PCDHGA3: variants seen among roughly 807,000 people sequenced by gnomAD.
PCDHGA3 encodes the protein protocadherin gamma subfamily A, 3.
In PCDHGA3, 40 loss-of-function variants were observed where a neutral mutation model predicts 58.5. The observed-to-expected ratio is 0.68, with a 90% CI of 0.53 to 0.89. The LOEUF is 0.89. Ranked by LOEUF, PCDHGA3 falls within the 40% of genes least tolerant of loss-of-function variation. The pLI is 0.00. For missense variants in PCDHGA3, 1,223 were observed against 1,195.9 expected, an observed-to-expected ratio of 1.02 and a Z score of -0.33; for synonymous variants, 530 against 525.7, an observed-to-expected ratio of 1.01 and a Z score of -0.11.
chr5:141,426,805 A>G (rs1222690899), intron 1 of PCDHGA3: 2 of 456,720 alleles, frequency 4.4e-6, no homozygotes, highest in African/African-American at 2.0e-5. Flanking sequence ...CTCAGTTCTA[A>G]TGAACATTTC....
At position 141,419,393 on chromosome 5, in the gene PCDHGA3, G is replaced by A. The variant is rs1226844501; in HGVS notation, c.2424+72936G>A. On this transcript the variant is annotated intron_variant, in intron 1 of 3. Transcript: ENST00000253812. The stretch of plus-strand genomic sequence containing the variant: ...CTACGTGTCCGTGAGCGCGCAGAGC[G>A]GGGTGGTGTTCGCGCAGCGCGCCTT... 6.2e-7 allele frequency: 1 copy of A among 1,613,502 alleles called. No homozygotes were observed. Among genetic ancestry groups the A allele is most frequent in the Non-Finnish European group, 8.5e-7 (1 of 1,179,920 alleles).
Position 141,432,466 on chromosome 5 carries a change from G to A in PCDHGA3, c.2425-62341G>A, listed in dbSNP as rs149116648. 5.7e-4 allele frequency: 913 copies of A among 1,614,208 alleles called. 6 individuals carry two copies. In the African/African-American group the frequency reaches 0.011, roughly 19 times the overall value. On this transcript the variant is annotated intron_variant, in intron 1 of 3. Transcript: ENST00000253812. This position sits in a 1 kb window ranked among gnomAD's most constrained non-coding sequence, Gnocchi z 6.0. The stretch of plus-strand genomic sequence containing the variant: ...AGATCCTGTACCCCGCCCTCCCCAC[G>A]GACGGTTCCACTGGCGTGGAGCTGG...
chr5:141,387,570 A>G, intron 1 of PCDHGA3: 1 of 455,170 alleles, frequency 2.2e-6, no homozygotes, highest in South Asian at 4.2e-5. Flanking sequence ...CACAATTATA[A>G]TTATTGCACT....
intron 1 of PCDHGA3, among the ~76,000 whole-genome samples, chr5:141,454,209 T>A (rs2098783885): frequency 6.6e-6 from 1 of 152,088 alleles, no homozygotes; most frequent in South Asian, 2.1e-4. Flanking sequence ...TTTATTGACA[T>A]GAATGAGAAA....
At chr5:141,370,756 T>G in intron 1 of PCDHGA3, 1 of 1,613,974 alleles carries the variant, frequency 6.2e-7, no homozygotes, top group Non-Finnish European at 8.5e-7. Flanking sequence ...CATGTAACTG[T>G]GCTGATCCAG....
chr5:141,347,799 A>T (rs1758022091), intron 1 of PCDHGA3, among the ~76,000 whole-genome samples: 1 of 152,116 alleles, frequency 6.6e-6, no homozygotes, highest in African/African-American at 2.4e-5. Flanking sequence ...AAAAAAAAAA[A>T]AAGTAGAGGC....
chr5:141,440,990 C>T (rs1195325115), intron 1 of PCDHGA3: 2 of 152,172 alleles, frequency 1.3e-5, no homozygotes, highest in African/African-American at 4.8e-5. Flanking sequence ...CCAGAGTACC[C>T]ATATCTAGTT....
rs748457785 is a variant in PCDHGA3 at position 141,489,197 on chromosome 5, A to G, written c.2425-5610A>G. On this transcript the variant is annotated intron_variant, in intron 1 of 3. Coordinates refer to ENST00000253812, the MANE Select transcript of PCDHGA3 (RefSeq NM_018916.4). This position sits in a 1 kb window ranked among gnomAD's most constrained non-coding sequence, Gnocchi z 4.5. ...TCCAAGCCCTGGGTCTACCTTGGAG[A>G]CAGGACAGCACAGACTTACTCTCCA... 7 of 1,391,050 alleles carry G rather than the reference A, an allele frequency of 5.0e-6. No individual in the cohort carries two copies. Among genetic ancestry groups the G allele is most frequent in the African/African-American group, 2.9e-5 (2 of 69,150 alleles). 86.2% of individuals were successfully genotyped at this position (1,391,050 alleles called of 1,614,324 possible).
chr5:141,361,118 C>G (rs749515160), intron 1 of PCDHGA3: 32 of 1,613,888 alleles, frequency 2.0e-5, no homozygotes, highest in Non-Finnish European at 8.5e-7. Context: ...GGAGATCTAG[C>G]AGCCCACTGC....
chr5:141,414,052 T>C, intron 1 of PCDHGA3: 1 of 1,610,346 alleles, frequency 6.2e-7, no homozygotes, highest in Non-Finnish European at 8.5e-7. Flanking sequence ...TGACACGCAA[T>C]TGTTGAAGTT....
chr5:141,371,516 A>C, intron 1 of PCDHGA3: 5 of 1,613,882 alleles, frequency 3.1e-6, no homozygotes, highest in Non-Finnish European at 4.2e-6. Context: ...CACATGATCT[A>C]GATTCTGGAT....
In PCDHGA3 at chr5:141,386,024, TG is replaced by T. The variant is rs758923656; in HGVS notation, c.2424+39568del. The T allele has an allele frequency of 2.6e-5, 4 of 152,242 alleles. No homozygotes were observed. The East Asian group carries it at 5.8e-4, about 22-fold the overall frequency. 9.4% of individuals were successfully genotyped at this position (152,242 alleles called of 1,614,324 possible). On this transcript the variant is annotated intron_variant, in intron 1 of 3. Transcript: ENST00000253812. ...CATTTTAAGTGTTGTAATTGGCATTTGTGACATAGGCAATTACATGTTTTAA... is the reference window on the plus strand; with the variant it reads ...CATTTTAAGTGTTGTAATTGGCATTTTGACATAGGCAATTACATGTTTTAA...
rs756706355 is a variant in PCDHGA3 at position 141,486,950 on chromosome 5, G to C, written c.2425-7857G>C. 6.2e-7 allele frequency: 1 copy of C among 1,614,202 alleles called. No homozygotes were observed. Among genetic ancestry groups the C allele is most frequent in the East Asian group, 2.2e-5 (1 of 44,876 alleles). On this transcript the variant is annotated intron_variant, in intron 1 of 3. Coordinates refer to ENST00000253812, the MANE Select transcript of PCDHGA3 (RefSeq NM_018916.4). The surrounding 1 kb of genome is among the most constrained non-coding windows in gnomAD (Gnocchi z 5.0). ...TGGTGCTGGCCACCTAATCACAAAG[G>C]TGACTGCTGTGGACTTGGATTCAGG...
At chr5:141,397,183 T>C (rs1319444729) in intron 1 of PCDHGA3, among the ~76,000 whole-genome samples, 2 of 152,190 alleles carry the variant, frequency 1.3e-5, no homozygotes, top group East Asian at 3.8e-4. Flanking sequence ...AATGAATTTA[T>C]GTACTGTAAA....
At chr5:141,352,825 T>C (rs1759120516) in intron 1 of PCDHGA3, 2 of 778,004 alleles carry the variant, frequency 2.6e-6, no homozygotes, top group Non-Finnish European at 4.0e-6. Flanking sequence ...CCCGGTCTAC[T>C]AAAATTACAA....
At chr5:141,423,749 T>TTG (rs1249843775) in intron 1 of PCDHGA3, 127 of 272,264 alleles carry the variant, frequency 4.7e-4, no homozygotes, top group South Asian at 6.4e-4. Context: ...TGAAAACTGT[T>TTG]TGGGGGGGGG....
rs756476818 is a variant in PCDHGA3 at position 141,431,027 on chromosome 5, A to G, written c.2425-63780A>G. The G allele has an allele frequency of 6.2e-6, 10 of 1,614,034 alleles. No homozygotes were observed. The highest frequency in any genetic ancestry group is 1.1e-5 in the South Asian group (1 of 91,078). On this transcript the variant is annotated intron_variant, in intron 1 of 3. Coordinates refer to ENST00000253812, the MANE Select transcript of PCDHGA3 (RefSeq NM_018916.4). This position sits in a 1 kb window ranked among gnomAD's most constrained non-coding sequence, Gnocchi z 4.8. ...CGGCAGCTTGGTCACGGCGGGCAGG[A>G]TAGACCGGGAGGAGCTCTGTATGGG...
chr5:141,404,596 G>A, intron 1 of PCDHGA3: 1 of 1,614,080 alleles, frequency 6.2e-7, no homozygotes, highest in Non-Finnish European at 8.5e-7. Context: ...ATGTGTCATT[G>A]AGACTGTTTG....
chr5:141,490,243 G>A lies in PCDHGA3; in HGVS notation c.2425-4564G>A, dbSNP rs1431165990. 1 of 1,614,238 alleles carries A rather than the reference G, an allele frequency of 6.2e-7. No individual in the cohort carries two copies. The highest frequency in any genetic ancestry group is 8.5e-7 in the Non-Finnish European group (1 of 1,180,038). The stretch of plus-strand genomic sequence containing the variant: ...ACAGCCTGCCATGGAGGGCCACTGT[G>A]TGATTCAAGTGGATGTGGGGGATGT... On this transcript the variant is annotated intron_variant, in intron 1 of 3. Coordinates refer to ENST00000253812, the MANE Select transcript of PCDHGA3 (RefSeq NM_018916.4). This position sits in a 1 kb window ranked among gnomAD's most constrained non-coding sequence, Gnocchi z 5.4.
Sources: gnomAD v4.1 joint callset for allele counts (sites outside exome capture counted in the v4.1 genomes callset) on GRCh38, gnomAD v4.1.1 for gene constraint, Gnocchi (gnomAD v3.1) non-coding constraint, MANE v1.5 for transcripts, NCBI Gene and HGNC (gene_info 2026-07-23, HGNC 2026-07-21) for gene names.